Variants in CDC14A observed in about 807,000 individuals in gnomAD.
The protein encoded by CDC14A is dual specificity protein phosphatase CDC14A.
Under a neutral mutation model 74.4 loss-of-function variants are expected in CDC14A, and 53 were observed. That is an observed-to-expected ratio of 0.71 (90% CI 0.57 to 0.89). CDC14A has a LOEUF of 0.89. CDC14A is among the 40% of genes least tolerant of loss of function. The pLI, the probability that CDC14A is intolerant of heterozygous loss-of-function variation, is 0.00. For synonymous variants in CDC14A, 247 were observed against 258.4 expected (o/e 0.96, Z 0.43); for missense variants, 646 against 713.7 (o/e 0.91, Z 1.08).
chr1:100,414,305 A>AAAC (rs781175836), intron 4 of CDC14A, among the ~76,000 whole-genome samples: 10 of 152,198 alleles, frequency 6.6e-5, no homozygotes, highest in Admixed American at 3.3e-4. Flanking sequence ...TCTCTACTTT[A>AAAC]AACAACAACA....
chr1:100,371,301 T>C (rs1654438638), intron 2 of CDC14A, among the ~76,000 whole-genome samples: 1 of 152,182 alleles, frequency 6.6e-6, no homozygotes, highest in Admixed American at 6.5e-5. Context: ...TTTTCTTTGG[T>C]TGCTTGCTCT....
intron 2 of CDC14A, among the ~76,000 whole-genome samples, chr1:100,368,909 C>T (rs1654022237): frequency 6.6e-6 from 1 of 152,134 alleles, no homozygotes; most frequent in African/African-American, 2.4e-5. Flanking sequence ...CATGTTGCTG[C>T]AAAGATAGAA....
chr1:100,496,195 C>A, intron 13 of CDC14A, 146 bp downstream of exon 13: 1 of 650,408 alleles, frequency 1.5e-6, no homozygotes. Context: ...TTGTTTATGC[C>A]TTATTTTTAA....
chr1:100,447,205 C>T (rs1665648710), intron 7 of CDC14A, among the ~76,000 whole-genome samples: 1 of 152,142 alleles, frequency 6.6e-6, no homozygotes, highest in South Asian at 2.1e-4. Context: ...TTTCAAAGCC[C>T]TGTTCTATTT....
chr1:100,424,350 C>T, intron 5 of CDC14A, 49 bp downstream of exon 5: 1 of 1,290,652 alleles, frequency 7.7e-7, no homozygotes, highest in Non-Finnish European at 1.1e-6. Flanking sequence ...CAGAGCTGGA[C>T]ACTTTAGAGT....
chr1:100,505,662 G>A (rs930466904), intron 15 of CDC14A, among the ~76,000 whole-genome samples: 6 of 152,112 alleles, frequency 3.9e-5, no homozygotes, highest in African/African-American at 1.2e-4. Flanking sequence ...AGTGTTTCCC[G>A]ATATCAACTT....
rs184383062 is a variant in CDC14A at position 100,515,225 on chromosome 1, G to T, written c.1756-3026G>T. Among the ~76,000 whole-genome samples, 251 of 152,166 alleles carry T rather than the reference G, an allele frequency of 1.6e-3. 2 individuals are homozygous for T. Among genetic ancestry groups the T allele is most frequent in the African/African-American group, 5.7e-3 (236 of 41,510 alleles). On this transcript the variant is annotated intron_variant, in intron 15 of 15. Transcript: ENST00000336454. The stretch of plus-strand genomic sequence containing the variant: ...CCAGAGAGACCGTCAGCACAACCCC[G>T]TAGGATAACCATGTGATACCTGAAG...
chr1:100,446,555 T>A (rs1405350579), intron 7 of CDC14A, among the ~76,000 whole-genome samples: 1 of 152,232 alleles, frequency 6.6e-6, no homozygotes, highest in Non-Finnish European at 1.5e-5. Context: ...TTTTACTTGT[T>A]GTAAATATGT....
chr1:100,391,964 A>G (rs1484655146), intron 4 of CDC14A, among the ~76,000 whole-genome samples: 2 of 152,234 alleles, frequency 1.3e-5, no homozygotes, highest in South Asian at 2.1e-4. Context: ...ATAGCATGGT[A>G]TAGTACAAGG....
At chr1:100,485,669 C>A (rs911246874) in intron 11 of CDC14A, among the ~76,000 whole-genome samples, 3 of 152,142 alleles carry the variant, frequency 2.0e-5, no homozygotes, top group Non-Finnish European at 4.4e-5. Context: ...GGCCTTAAAC[C>A]AAATACTGTG....
At chr1:100,440,280 A>G (rs922474988) in intron 6 of CDC14A, among the ~76,000 whole-genome samples, 3 of 152,184 alleles carry the variant, frequency 2.0e-5, no homozygotes, top group Admixed American at 6.5e-5. Context: ...GCTTTGTCAC[A>G]TGCTTAGCTT....
Position 100,403,793 on chromosome 1 carries a change from T to C in CDC14A, c.309+12969T>C, listed in dbSNP as rs146297999. Among the ~76,000 whole-genome samples the C allele has an allele frequency of 3.3e-3, 503 of 152,350 alleles. 4 individuals are homozygous for C. Among genetic ancestry groups the C allele is most frequent in the African/African-American group, 0.011 (468 of 41,584 alleles). ...GAACCTTGATTGAGAAGCCTGTAGC[T>C]AGGTCAACGTTGTGGGCCCTGAGGA... On this transcript the variant is annotated intron_variant, in intron 4 of 15. Coordinates refer to ENST00000336454, the MANE Select transcript of CDC14A (RefSeq NM_003672.4).
At chr1:100,367,451 C>T (rs1431712666) in intron 2 of CDC14A, among the ~76,000 whole-genome samples, 1 of 152,108 alleles carries the variant, frequency 6.6e-6, no homozygotes, top group African/African-American at 2.4e-5. Context: ...TTGGTGATAA[C>T]CCAGCATGGT....
At chr1:100,450,209 A>C (rs1472378103) in intron 7 of CDC14A, among the ~76,000 whole-genome samples, 2 of 152,186 alleles carry the variant, frequency 1.3e-5, no homozygotes. Flanking sequence ...ATTGCTCTTT[A>C]GCACCTACCT....
intron 11 of CDC14A, among the ~76,000 whole-genome samples, chr1:100,486,939 A>C (rs1411607528): frequency 1.3e-5 from 2 of 152,210 alleles, no homozygotes; most frequent in Non-Finnish European, 2.9e-5. Context: ...ATGAATATGG[A>C]AAATTCGCTT....
At position 100,499,250 on chromosome 1, in the gene CDC14A, C is replaced by G. The variant is rs1648396518; in HGVS notation, c.1743C>G (p.Ser581Arg). Residue 581 changes from serine to arginine, a missense_variant, in exon 15 of 16, where the codon AGC becomes AGG. Coordinates refer to ENST00000336454, the MANE Select transcript of CDC14A (RefSeq NM_003672.4). The part of the protein sequence containing the change: ...GLSSSSARFL[S>R]RSIPSLQSEY... ...CTTCTTCTTCAGCGAGATTCCTGAG[C>G]CGTTCTATCCCTGTAAGTGCGCAGA... 4 of 1,614,206 alleles carry G rather than the reference C, an allele frequency of 2.5e-6. No individual in the cohort carries two copies. Among genetic ancestry groups the G allele is most frequent in the Non-Finnish European group, 3.4e-6 (4 of 1,180,042 alleles).
chr1:100,393,551 G>A (rs1349661517), intron 4 of CDC14A: 1 of 746,238 alleles, frequency 1.3e-6, no homozygotes, highest in Non-Finnish European at 2.5e-6. Context: ...GGACTGTCAG[G>A]TATCTCAGGT....
At chr1:100,511,777 T>C (rs768566568) in intron 15 of CDC14A, among the ~76,000 whole-genome samples, 1 of 152,206 alleles carries the variant, frequency 6.6e-6, no homozygotes, top group East Asian at 1.9e-4. Flanking sequence ...GGGGTCTTCA[T>C]GAACTATCGC....
In CDC14A at chr1:100,484,347, C is replaced by T. The variant is rs549556142; in HGVS notation, c.1033C>T (p.Arg345Ter). The change falls in exon 11 of 16, where the codon CGA becomes TGA. Residue 345 changes from arginine (R) to a stop codon, truncating the protein, a stop_gained. Transcript: ENST00000336454. LOFTEE classifies it high-confidence loss of function. ...GDIFRSKLKN[R>*]PSSEGSINKI... ...CATTTTCCGATCCAAACTGAAAAATCGACCATCCAGTGAAGGAAGTATTAA... is the reference window on the plus strand; with the variant it reads ...CATTTTCCGATCCAAACTGAAAAATTGACCATCCAGTGAAGGAAGTATTAA... The T allele has an allele frequency of 8.7e-6, 14 of 1,600,376 alleles. No individual in the cohort carries two copies. Among genetic ancestry groups the T allele is most frequent in the Middle Eastern group, 1.7e-4 (1 of 6,010 alleles).
Sources: gnomAD v4.1 joint callset for allele counts (sites outside exome capture counted in the v4.1 genomes callset) on GRCh38, gnomAD v4.1.1 for gene constraint, MANE v1.5 for transcripts, NCBI Gene and HGNC (gene_info 2026-07-23, HGNC 2026-07-21) for gene names.